Variants in KCNQ3 observed in about 807,000 individuals in gnomAD.
KCNQ3 encodes the protein potassium voltage-gated channel subfamily KQT member 3.
In KCNQ3, 30 loss-of-function variants were observed where a neutral mutation model predicts 92.5. The ratio of observed to expected loss-of-function variants is 0.32; its 90% CI spans 0.24 to 0.44. The LOEUF is 0.44. KCNQ3 is among the 20% of genes least tolerant of loss of function. The probability of loss-of-function intolerance (pLI) is 1.00; values close to 1 mark genes in which losing one functional copy is unlikely to be tolerated. For synonymous variants in KCNQ3, 450 were observed against 468.8 expected, an observed-to-expected ratio of 0.96 and a Z score of 0.52; for missense variants, 913 against 1,140.3, an observed-to-expected ratio of 0.80 and a Z score of 2.87.
At chr8:132,280,620 A>T (rs1272433215) in intron 1 of KCNQ3, among the ~76,000 whole-genome samples, 1 of 152,208 alleles carries the variant, frequency 6.6e-6, no homozygotes, top group Non-Finnish European at 1.5e-5. Context: ...TAGAGGGGAC[A>T]TCCAAACTCT....
At chr8:132,206,924 C>A (rs1276728875) in intron 1 of KCNQ3, among the ~76,000 whole-genome samples, 4 of 151,990 alleles carry the variant, frequency 2.6e-5, no homozygotes, top group African/African-American at 4.8e-5. Context: ...CTTTAAGATG[C>A]ATTCTTAGAT....
At chr8:132,232,867 A>G (rs1814687109) in intron 1 of KCNQ3, among the ~76,000 whole-genome samples, 1 of 152,190 alleles carries the variant, frequency 6.6e-6, no homozygotes, top group Non-Finnish European at 1.5e-5. Context: ...TTCCTCATAA[A>G]AAGGTCTCCA....
intron 1 of KCNQ3, among the ~76,000 whole-genome samples, chr8:132,271,547 T>C (rs1415202150): frequency 2.0e-5 from 3 of 152,218 alleles, no homozygotes; most frequent in Non-Finnish European, 4.4e-5. Context: ...CACTGAGACC[T>C]CCCTGCCCTT....
At chr8:132,236,515 G>A (rs1296943682) in intron 1 of KCNQ3, among the ~76,000 whole-genome samples, 9 of 152,088 alleles carry the variant, frequency 5.9e-5, no homozygotes, top group Non-Finnish European at 1.5e-5. Context: ...AAATATATAT[G>A]GACACTGTCA....
At chr8:132,184,432 T>A in intron 2 of KCNQ3, 65 bp from the exon 3 acceptor site, 1 of 1,597,422 alleles carries the variant, frequency 6.3e-7, no homozygotes, top group Non-Finnish European at 8.6e-7. Context: ...AGCTGGTGAT[T>A]TCTATTCGGA....
intron 1 of KCNQ3, among the ~76,000 whole-genome samples, chr8:132,444,122 A>G (rs1377082888): frequency 6.6e-6 from 1 of 152,070 alleles, no homozygotes; most frequent in African/African-American, 2.4e-5. Flanking sequence ...CTGGCAATAC[A>G]CAGAAAGGAT....
At chr8:132,223,659 A>AT (rs1319105220) in intron 1 of KCNQ3, among the ~76,000 whole-genome samples, 2 of 152,190 alleles carry the variant, frequency 1.3e-5, no homozygotes, top group African/African-American at 4.8e-5. Flanking sequence ...AAAAACATGC[A>AT]TTTTGAGACA....
intron 6 of KCNQ3, 123 bp downstream of exon 6, chr8:132,174,116 G>T: frequency 1.3e-6 from 1 of 756,296 alleles, no homozygotes; most frequent in Non-Finnish European, 2.3e-6. Context: ...ATGCTTAAGG[G>T]AATGGCTAGG....
intron 1 of KCNQ3, among the ~76,000 whole-genome samples, chr8:132,256,639 A>G (rs1255897094): frequency 6.6e-6 from 1 of 152,252 alleles, no homozygotes; most frequent in Non-Finnish European, 1.5e-5. Flanking sequence ...GGTCCTCAAT[A>G]AGATTAACAG....
chr8:132,174,012 C>T (rs896683681), intron 6 of KCNQ3, among the ~76,000 whole-genome samples: 3 of 152,090 alleles, frequency 2.0e-5, no homozygotes, highest in African/African-American at 7.2e-5. Context: ...ACTAGCTCAG[C>T]CTAAAGAAGG....
chr8:132,259,075 C>T (rs926998876), intron 1 of KCNQ3, among the ~76,000 whole-genome samples: 2 of 152,000 alleles, frequency 1.3e-5, no homozygotes, highest in Admixed American at 6.6e-5. Flanking sequence ...TTCTACCAAA[C>T]ATTAAAAGAA....
chr8:132,323,116 T>C (rs1817942290), intron 1 of KCNQ3, among the ~76,000 whole-genome samples: 1 of 152,154 alleles, frequency 6.6e-6, no homozygotes, highest in South Asian at 2.1e-4. Flanking sequence ...AGTTCACATT[T>C]TTAGGAGACC....
intron 1 of KCNQ3, among the ~76,000 whole-genome samples, chr8:132,298,420 G>A (rs572677258): frequency 2.0e-5 from 3 of 152,278 alleles, no homozygotes; most frequent in African/African-American, 4.8e-5. Flanking sequence ...TGGGGATGGA[G>A]GTTGCTGGAG....
chr8:132,423,495 C>T (rs1444828401), intron 1 of KCNQ3, among the ~76,000 whole-genome samples: 1 of 152,192 alleles, frequency 6.6e-6, no homozygotes, highest in Non-Finnish European at 1.5e-5. Flanking sequence ...GGTTTGGCCA[C>T]TCTATGGCCA....
intron 1 of KCNQ3, among the ~76,000 whole-genome samples, chr8:132,388,151 T>C (rs372585374): frequency 6.6e-6 from 1 of 152,208 alleles, no homozygotes. Flanking sequence ...AAATGTGATA[T>C]GACTTTTTTT....
At chr8:132,362,342 C>A (rs1210166627) in intron 1 of KCNQ3, among the ~76,000 whole-genome samples, 1 of 152,098 alleles carries the variant, frequency 6.6e-6, no homozygotes, top group East Asian at 1.9e-4. Flanking sequence ...TGTGGAAATT[C>A]TTTAATTCTT....
At chr8:132,444,010 C>T (rs1266845757) in intron 1 of KCNQ3, among the ~76,000 whole-genome samples, 1 of 152,116 alleles carries the variant, frequency 6.6e-6, no homozygotes, top group African/African-American at 2.4e-5. Flanking sequence ...TTATCAGAAA[C>T]CCAAGAGGTA....
At chr8:132,392,506 G>C (rs985930019) in intron 1 of KCNQ3, among the ~76,000 whole-genome samples, 1 of 151,920 alleles carries the variant, frequency 6.6e-6, no homozygotes, top group Non-Finnish European at 1.5e-5. Flanking sequence ...TATTCCCCAT[G>C]TCTGCCTGGC....
intron 9 of KCNQ3, among the ~76,000 whole-genome samples, chr8:132,152,637 A>C (rs1006629653): frequency 1.3e-5 from 2 of 152,134 alleles, no homozygotes; most frequent in African/African-American, 2.4e-5. Flanking sequence ...CTTGGAAAAA[A>C]ACTGGCCTCA....
Sources: gnomAD v4.1 joint callset for allele counts (sites outside exome capture counted in the v4.1 genomes callset) on GRCh38, gnomAD v4.1.1 for gene constraint, MANE v1.5 for transcripts, NCBI Gene and HGNC (gene_info 2026-07-23, HGNC 2026-07-21) for gene names.